Variants in PCSK2 observed in about 807,000 individuals in gnomAD.
PCSK2 encodes neuroendocrine convertase 2.
A neutral mutation model predicts 69.7 loss-of-function variants in PCSK2; 14 were observed. The observed-to-expected ratio is 0.20, with a 90% CI of 0.13 to 0.31. The LOEUF (loss-of-function observed/expected upper bound fraction) is 0.31. Ranked by LOEUF, PCSK2 falls within the 10% of genes least tolerant of loss-of-function variation. PCSK2 has a pLI of 1.00. For missense variants in PCSK2, 544 were observed against 842.5 expected (o/e 0.65, Z 4.39); for synonymous variants, 307 against 320.7 (o/e 0.96, Z 0.46).
chr20:17,402,298 T>G (rs1338158080), intron 5 of PCSK2, among the ~76,000 whole-genome samples: 1 of 152,196 alleles, frequency 6.6e-6, no homozygotes, highest in African/African-American at 2.4e-5. Context: ...TCCTCATCTG[T>G]TTAGTGTTTA....
In PCSK2 at chr20:17,352,055, A is replaced by G. The variant is rs1042260928; in HGVS notation, c.283-6272A>G. The stretch of plus-strand genomic sequence containing the variant: ...ATCAGTAGCATTTCTACACGCCAAT[A>G]ACGTTCAAGCTGAGAGCCAAATCAA... On this transcript the variant is annotated intron_variant, in intron 2 of 11. Transcript: ENST00000262545. 3.9e-5 allele frequency among the ~76,000 whole-genome samples: 6 copies of G among 152,362 alleles called. No individual in the cohort carries two copies. The East Asian group carries it at 5.8e-4, about 15-fold the overall frequency.
At position 17,481,977 on chromosome 20, in the gene PCSK2, G is replaced by C; in HGVS notation, c.1824G>C (p.Gln608His). ...TCGACCAGGTGGTGCGGGATTACCA[G>C]TCCAAGTTGGCCATGTCCAAGAAAG... The part of the protein sequence containing the change: ...PYIDQVVRDY[Q>H]SKLAMSKKEE... Residue 608 changes from glutamine (Q) to histidine (H), a missense_variant, in exon 12 of 12, where the codon CAG (glutamine) becomes CAC (histidine). This residue lies in a region of PCSK2 where 200 missense variants were observed against 287.8 expected (regional missense o/e 0.69). Coordinates refer to ENST00000262545, the MANE Select transcript of PCSK2 (RefSeq NM_002594.5). 6.2e-7 allele frequency: 1 copy of C among 1,612,946 alleles called. No homozygotes were observed. The highest frequency in any genetic ancestry group is 1.1e-5 in the South Asian group (1 of 90,956).
At chr20:17,258,313 T>C (rs1365679278) in intron 1 of PCSK2, among the ~76,000 whole-genome samples, 2 of 152,218 alleles carry the variant, frequency 1.3e-5, no homozygotes, top group Admixed American at 1.3e-4. Flanking sequence ...TAAACACCCT[T>C]CGGGTTGCTG....
chr20:17,269,619 G>A (rs1987780753), intron 2 of PCSK2, among the ~76,000 whole-genome samples: 1 of 152,126 alleles, frequency 6.6e-6, no homozygotes, highest in African/African-American at 2.4e-5. Flanking sequence ...TTTGGGCTGG[G>A]TAGTGTGCTT....
At chr20:17,444,102 C>G (rs74181959) in intron 8 of PCSK2, among the ~76,000 whole-genome samples, 13,213 of 152,202 alleles carry the variant, frequency 0.087, 627 homozygotes, top group Non-Finnish European at 0.11. Context: ...ACTTCCACTG[C>G]CTGGTCTACT....
Position 17,413,081 on chromosome 20 carries a change from C to A in PCSK2, c.620+3742C>A, listed in dbSNP as rs547886894. On this transcript the variant is annotated intron_variant, in intron 6 of 11. Transcript: ENST00000262545. ...AGTACCAGCCACTGCAAAAACACCC[C>A]AAATTGCAAAGACCATCAATGCTAG... 3.9e-5 allele frequency among the ~76,000 whole-genome samples: 6 copies of A among 152,306 alleles called. No homozygotes were observed. The South Asian group carries it at 1.2e-3, about 32-fold the overall frequency.
At chr20:17,258,270 C>T (rs1355469277) in intron 1 of PCSK2, among the ~76,000 whole-genome samples, 1 of 152,186 alleles carries the variant, frequency 6.6e-6, no homozygotes, top group African/African-American at 2.4e-5. Flanking sequence ...ACAGAGTTTG[C>T]CATTATCACT....
rs1368258674 is a variant in PCSK2 at position 17,227,079 on chromosome 20, C to T, written c.-227C>T. 2 of 547,984 alleles carry T rather than the reference C, an allele frequency of 3.6e-6. No homozygotes were observed. Among genetic ancestry groups the T allele is most frequent in the Admixed American group, 6.5e-5 (2 of 30,960 alleles). 33.9% of individuals were successfully genotyped at this position (547,984 alleles called of 1,614,324 possible). ...GTACACACAGCTCCCCACATTCGCACCCCTGCCCGCGCGCCGGGCCGCCTG... is the reference window on the plus strand; with the variant it reads ...GTACACACAGCTCCCCACATTCGCATCCCTGCCCGCGCGCCGGGCCGCCTG... On this transcript the variant is annotated 5_prime_UTR_variant, in exon 1 of 12. Transcript: ENST00000262545.
At position 17,369,235 on chromosome 20, in the gene PCSK2, C is replaced by T. The variant is rs2123230043; in HGVS notation, c.506-5C>T. ...GGTTCCTGTGTTATTGTTGTCTTTT[C>T]ACAGGGATTGACTATCTCCACCCGG... On this transcript the variant is annotated splice_region_variant and splice_polypyrimidine_tract_variant and intron_variant, in intron 4 of 11. Coordinates refer to ENST00000262545, the MANE Select transcript of PCSK2 (RefSeq NM_002594.5). 1 of 1,613,308 alleles carries T rather than the reference C, an allele frequency of 6.2e-7. No homozygotes were observed. Among genetic ancestry groups the T allele is most frequent in the Non-Finnish European group, 8.5e-7 (1 of 1,179,432 alleles).
At chr20:17,432,987 G>A (rs1174211447) in intron 7 of PCSK2, among the ~76,000 whole-genome samples, 1 of 152,162 alleles carries the variant, frequency 6.6e-6, no homozygotes, top group African/African-American at 2.4e-5. Flanking sequence ...GGCGCCTGAG[G>A]GTGGGGCTCT....
chr20:17,407,310 G>A (rs558935163), intron 5 of PCSK2, among the ~76,000 whole-genome samples: 5 of 152,078 alleles, frequency 3.3e-5, no homozygotes, highest in Non-Finnish European at 5.9e-5. Flanking sequence ...GTGGCCACTC[G>A]TGCTGGATTT....
At chr20:17,424,760 G>C (rs1230656696) in intron 6 of PCSK2, among the ~76,000 whole-genome samples, 2 of 151,440 alleles carry the variant, frequency 1.3e-5, no homozygotes, top group African/African-American at 2.4e-5. Context: ...CAAAGTGCTG[G>C]GATTACAGGC....
At chr20:17,476,717 T>C (rs1472962760) in intron 11 of PCSK2, among the ~76,000 whole-genome samples, 1 of 152,260 alleles carries the variant, frequency 6.6e-6, no homozygotes, top group Non-Finnish European at 1.5e-5. Flanking sequence ...TGAGACTCTT[T>C]GTGCTACCCT....
intron 2 of PCSK2, among the ~76,000 whole-genome samples, chr20:17,336,781 C>T (rs1458633140): frequency 2.6e-5 from 4 of 152,180 alleles, no homozygotes; most frequent in African/African-American, 9.7e-5. Context: ...ATGGAAACAG[C>T]TCCATCCGTG....
chr20:17,238,947 A>C (rs186032787), intron 1 of PCSK2, among the ~76,000 whole-genome samples: 1 of 152,288 alleles, frequency 6.6e-6, no homozygotes, highest in African/African-American at 2.4e-5. Flanking sequence ...CTGAGAAAAA[A>C]ATTTAAAGGC....
At chr20:17,351,329 C>T (rs369197068) in intron 2 of PCSK2, among the ~76,000 whole-genome samples, 1 of 152,122 alleles carries the variant, frequency 6.6e-6, no homozygotes, top group African/African-American at 2.4e-5. Flanking sequence ...ATCAAGGAGA[C>T]TCCTCTCTAA....
Position 17,342,595 on chromosome 20 carries a change from G to A in PCSK2, c.283-15732G>A, listed in dbSNP as rs191517676. ...AGCCTTCCAAAGTGCTGGGATTACAGGCATGAGCCACCAGGCCTCGCCTAT... is the reference window on the plus strand; with the variant it reads ...AGCCTTCCAAAGTGCTGGGATTACAAGCATGAGCCACCAGGCCTCGCCTAT... On this transcript the variant is annotated intron_variant, in intron 2 of 11. Coordinates refer to ENST00000262545, the MANE Select transcript of PCSK2 (RefSeq NM_002594.5). 1.8e-3 allele frequency among the ~76,000 whole-genome samples: 271 copies of A among 152,144 alleles called. 2 individuals are homozygous for A. The highest frequency in any genetic ancestry group is 3.4e-3 in the Non-Finnish European group (232 of 68,002).
intron 5 of PCSK2, among the ~76,000 whole-genome samples, chr20:17,377,299 G>C (rs1281106797): frequency 6.6e-6 from 1 of 152,192 alleles, no homozygotes; most frequent in Non-Finnish European, 1.5e-5. Context: ...AAGAGAAAAA[G>C]GCCCACCCCT....
At position 17,462,704 on chromosome 20, in the gene PCSK2, C is replaced by A. The variant is rs533658851; in HGVS notation, c.1203-2622C>A. Among the ~76,000 whole-genome samples the A allele has an allele frequency of 2.0e-5, 3 of 152,334 alleles. No homozygotes were observed. In the South Asian group the frequency reaches 6.2e-4, roughly 32 times the overall value. On this transcript the variant is annotated intron_variant, in intron 10 of 11. Transcript: ENST00000262545. ...CACTCAACAGACATCCATACAATCA[C>A]TTCATTGCGCAGTACCTTCTCATAT...
Sources: gnomAD v4.1 joint callset for allele counts (sites outside exome capture counted in the v4.1 genomes callset) on GRCh38, gnomAD v4.1.1 for gene constraint, gnomAD v4.1.1 regional missense constraint, MANE v1.5 for transcripts, NCBI Gene and HGNC (gene_info 2026-07-23, HGNC 2026-07-21) for gene names.